MIPOL1: variants seen among roughly 807,000 people sequenced by gnomAD.
MIPOL1 encodes the protein mirror-image polydactyly 1, also known as mirror-image polydactyly gene 1 protein.
A neutral mutation model predicts 60.9 loss-of-function variants in MIPOL1; 57 were observed. The ratio of observed to expected loss-of-function variants is 0.94; its 90% CI spans 0.76 to 1.17. MIPOL1 has a LOEUF of 1.17. Ranked by LOEUF, MIPOL1 falls within the 50% of genes most tolerant of loss-of-function variation. The pLI is 0.00. For missense variants in MIPOL1, 551 were observed against 511.6 expected (o/e 1.08, Z -0.74); for synonymous variants, 179 against 168.8 (o/e 1.06, Z -0.47).
At chr14:37,367,183 C>A (rs2092500559) in intron 9 of MIPOL1, among the ~76,000 whole-genome samples, 1 of 150,362 alleles carries the variant, frequency 6.7e-6, no homozygotes, top group Non-Finnish European at 1.5e-5. Context: ...AATCCCATTG[C>A]TTCAAAATAA....
intron 11 of MIPOL1, among the ~76,000 whole-genome samples, chr14:37,495,026 T>C (rs931563468): frequency 6.6e-5 from 10 of 151,940 alleles, no homozygotes; most frequent in Admixed American, 1.3e-4. Context: ...TGAGGAGTGA[T>C]TAGGAAATTA....
At chr14:37,294,595 A>G (rs1242227742) in intron 7 of MIPOL1, among the ~76,000 whole-genome samples, 1 of 152,194 alleles carries the variant, frequency 6.6e-6, no homozygotes, top group East Asian at 1.9e-4. Flanking sequence ...AGAATAATCA[A>G]TGCAGAGAAG....
chr14:37,266,861 T>C (rs2082912686), intron 3 of MIPOL1, 77 bp from the exon 4 acceptor site: 1 of 995,726 alleles, frequency 1.0e-6, no homozygotes, highest in South Asian at 1.5e-5. Flanking sequence ...TTTCCAAAAA[T>C]ATTTATTTGA....
chr14:37,431,410 T>C (rs531095901), intron 11 of MIPOL1, among the ~76,000 whole-genome samples: 1 of 151,976 alleles, frequency 6.6e-6, no homozygotes, highest in Non-Finnish European at 1.5e-5. Context: ...TTACTTGTCT[T>C]CTCCATCCTT....
intron 9 of MIPOL1, among the ~76,000 whole-genome samples, chr14:37,366,085 A>G (rs2092460313): frequency 6.8e-6 from 1 of 147,928 alleles, no homozygotes; most frequent in African/African-American, 2.5e-5. Context: ...ACTTATTTGG[A>G]TTTTCTCTCC....
intron 11 of MIPOL1, among the ~76,000 whole-genome samples, chr14:37,471,232 C>T (rs183711959): frequency 6.6e-6 from 1 of 152,114 alleles, no homozygotes; most frequent in African/African-American, 2.4e-5. Flanking sequence ...ATGAGATGAT[C>T]CCAAACCAGG....
At chr14:37,268,868 T>A in intron 5 of MIPOL1, 75 bp downstream of exon 5, 2 of 1,215,690 alleles carry the variant, frequency 1.6e-6, no homozygotes, top group Non-Finnish European at 2.2e-6. Context: ...TTGTTGCCCA[T>A]CATAATTCAG....
chr14:37,379,880 T>G (rs2092880299), intron 10 of MIPOL1, among the ~76,000 whole-genome samples: 1 of 152,106 alleles, frequency 6.6e-6, no homozygotes, highest in Admixed American at 6.6e-5. Context: ...CAAATCTTTT[T>G]TGTTGTCTAC....
intron 12 of MIPOL1, among the ~76,000 whole-genome samples, chr14:37,537,738 T>C (rs2095512724): frequency 6.6e-6 from 1 of 152,192 alleles, no homozygotes; most frequent in Non-Finnish European, 1.5e-5. Context: ...TTATGGACTC[T>C]TCAATATAGC....
intron 6 of MIPOL1, among the ~76,000 whole-genome samples, chr14:37,271,086 A>G (rs2083270353): frequency 6.6e-6 from 1 of 152,092 alleles, no homozygotes; most frequent in South Asian, 2.1e-4. Flanking sequence ...TGATTACCTT[A>G]AATATATTCT....
At chr14:37,393,582 A>G (rs951954593) in intron 10 of MIPOL1, among the ~76,000 whole-genome samples, 3 of 152,056 alleles carry the variant, frequency 2.0e-5, no homozygotes, top group Non-Finnish European at 4.4e-5. Context: ...AAAGAAAAGC[A>G]TATAAATTAC....
intron 12 of MIPOL1, among the ~76,000 whole-genome samples, chr14:37,537,571 T>C (rs1270335560): frequency 6.6e-6 from 1 of 152,194 alleles, no homozygotes; most frequent in Non-Finnish European, 1.5e-5. Context: ...CTCAAAATTG[T>C]GTAAAACAAG....
At chr14:37,215,688 G>C (rs1184356258) in intron 1 of MIPOL1, among the ~76,000 whole-genome samples, 1 of 152,162 alleles carries the variant, frequency 6.6e-6, no homozygotes, top group African/African-American at 2.4e-5. Flanking sequence ...AGAAGACATA[G>C]CATGGCTGAA....
intron 11 of MIPOL1, among the ~76,000 whole-genome samples, chr14:37,454,345 T>A (rs941483238): frequency 9.2e-5 from 14 of 152,210 alleles, no homozygotes; most frequent in Non-Finnish European, 1.8e-4. Flanking sequence ...CAATTTCCCA[T>A]ACTGCCTAGG....
intron 9 of MIPOL1, among the ~76,000 whole-genome samples, chr14:37,323,959 T>A (rs2088885380): frequency 6.6e-6 from 1 of 152,078 alleles, no homozygotes; most frequent in Admixed American, 6.6e-5. Context: ...TGTTGTTCAT[T>A]CTCCTGTTGG....
At chr14:37,425,625 G>A (rs767570627) in intron 11 of MIPOL1, among the ~76,000 whole-genome samples, 6 of 152,132 alleles carry the variant, frequency 3.9e-5, no homozygotes, top group Non-Finnish European at 8.8e-5. Flanking sequence ...TACTTATAGG[G>A]TTGTTTTAGG....
At chr14:37,358,757 C>T (rs1365649738) in intron 9 of MIPOL1, among the ~76,000 whole-genome samples, 1 of 152,128 alleles carries the variant, frequency 6.6e-6, no homozygotes, top group East Asian at 1.9e-4. Context: ...AGGTAGATTA[C>T]AAAAATTTTC....
At chr14:37,365,355 G>T (rs114233832) in intron 9 of MIPOL1, among the ~76,000 whole-genome samples, 256 of 152,042 alleles carry the variant, frequency 1.7e-3, no homozygotes, top group African/African-American at 5.9e-3. Flanking sequence ...TCTCATATGT[G>T]GCTTTTATTA....
chr14:37,295,813 A>G (rs1305492795), intron 7 of MIPOL1, among the ~76,000 whole-genome samples: 2 of 152,210 alleles, frequency 1.3e-5, no homozygotes, highest in Non-Finnish European at 2.9e-5. Flanking sequence ...GCAAGTCCTT[A>G]GTGACCTACA....
Sources: allele counts gnomAD v4.1 joint callset (sites outside exome capture counted in the v4.1 genomes callset), GRCh38; gene constraint gnomAD v4.1.1; transcripts MANE v1.5; gene names NCBI Gene and HGNC (gene_info 2026-07-23, HGNC 2026-07-21).